The following KCP variants were observed in gnomAD, a reference collection of about 807,000 sequenced individuals.
KCP encodes the protein kielin cysteine rich BMP regulator.
In KCP, 194 loss-of-function variants were observed where a neutral mutation model predicts 212.7. The ratio of observed to expected loss-of-function variants is 0.91; its 90% CI spans 0.81 to 1.03. KCP has a LOEUF of 1.03. Ranked by LOEUF, KCP falls within the 50% of genes least tolerant of loss-of-function variation. The pLI, the probability that KCP is intolerant of heterozygous loss-of-function variation, is 0.00. For missense variants in KCP, 2,080 were observed against 2,162.5 expected (o/e 0.96, Z 0.76); for synonymous variants, 833 against 865.3 (o/e 0.96, Z 0.65).
At chr7:128,884,948 T>C in intron 27 of KCP, 85 bp from the exon 28 acceptor site, 2 of 1,473,472 alleles carry the variant, frequency 1.4e-6, no homozygotes, top group Non-Finnish European at 1.9e-6. Context: ...ATCTCCAGCC[T>C]CCCCCTGATC....
At chr7:128,908,200 A>G (rs1202058188) in intron 2 of KCP, among the ~76,000 whole-genome samples, 1 of 132,040 alleles carries the variant, frequency 7.6e-6, no homozygotes, top group Non-Finnish European at 1.6e-5. Context: ...AGGAAAAGAA[A>G]GAAAAAAAAA....
At chr7:128,880,974 C>A in intron 32 of KCP, 23 bp downstream of exon 32, 1 of 398,982 alleles carries the variant, frequency 2.5e-6, no homozygotes, top group Admixed American at 4.4e-5. Flanking sequence ...ATCCTCCACC[C>A]TCCCAGGCCC....
intron 34 of KCP, 23 bp downstream of exon 34, chr7:128,880,363 C>A: frequency 1.3e-6 from 2 of 1,500,162 alleles, no homozygotes; most frequent in Non-Finnish European, 1.8e-6. Flanking sequence ...ACCCTCCCCA[C>A]CATTTTAGAT....
intron 21 of KCP, 25 bp downstream of exon 21, chr7:128,890,318 C>G: frequency 6.4e-7 from 1 of 1,551,574 alleles, no homozygotes; most frequent in Non-Finnish European, 8.7e-7. Context: ...CCCACCCCGG[C>G]AGCTCCCTAT....
At chr7:128,885,947 G>A (rs1585205625) in intron 26 of KCP, among the ~76,000 whole-genome samples, 1 of 152,140 alleles carries the variant, frequency 6.6e-6, no homozygotes, top group African/African-American at 2.4e-5. Flanking sequence ...GATAATACAC[G>A]TAAAGTGCTC....
Position 128,894,066 on chromosome 7 carries a change from G to C in KCP, c.926-11C>G, listed in dbSNP as rs1563041889. On this transcript the variant is annotated splice_polypyrimidine_tract_variant and intron_variant, in intron 9 of 39. Coordinates refer to ENST00000610776, the MANE Select transcript of KCP (RefSeq NM_001366122.1). ...CGTTTAGGAAACAGCCTGTTGGGAA[G>C]GGGGGCCTTAGATGTTCCTCAGGGG... The C allele has an allele frequency of 1.9e-6, 3 of 1,548,022 alleles. No individual in the cohort carries two copies. The highest frequency in any genetic ancestry group is 2.6e-6 in the Non-Finnish European group (3 of 1,145,450).
At chr7:128,885,500 G>C (rs1262922347) in intron 26 of KCP, among the ~76,000 whole-genome samples, 1 of 152,180 alleles carries the variant, frequency 6.6e-6, no homozygotes, top group Non-Finnish European at 1.5e-5. Context: ...CTGCTCTCAA[G>C]ACCAAGCTCC....
intron 5 of KCP, among the ~76,000 whole-genome samples, chr7:128,905,091 C>T (rs940726212): frequency 2.0e-5 from 3 of 151,978 alleles, no homozygotes; most frequent in Admixed American, 2.0e-4. Context: ...CTCCAGCCAG[C>T]ACTCCAGGCT....
chr7:128,893,702 C>A (rs1312646618), intron 11 of KCP, 104 bp downstream of exon 11: 2 of 1,275,358 alleles, frequency 1.6e-6, no homozygotes, highest in Non-Finnish European at 2.2e-6. Flanking sequence ...ACTTTGGGAA[C>A]AGGGTAACAG....
chr7:128,879,097 C>G (rs980171169), intron 37 of KCP: 1 of 361,220 alleles, frequency 2.8e-6, no homozygotes, highest in Non-Finnish European at 5.1e-6. Context: ...GAAGTGTACA[C>G]CCTTATTCTA....
At chr7:128,902,929 G>T in intron 7 of KCP, 70 bp from the exon 8 acceptor site, 1 of 1,179,784 alleles carries the variant, frequency 8.5e-7, no homozygotes. Context: ...CAGCCTGCCC[G>T]CCTTCCTTGT....
chr7:128,894,958 G>C (rs901376841), intron 8 of KCP, among the ~76,000 whole-genome samples: 2 of 152,084 alleles, frequency 1.3e-5, no homozygotes, highest in Admixed American at 1.3e-4. Flanking sequence ...CAGGGAGAAT[G>C]GTATGGAAAA....
intron 8 of KCP, among the ~76,000 whole-genome samples, chr7:128,896,619 G>A (rs1273494684): frequency 3.3e-5 from 5 of 152,022 alleles, no homozygotes; most frequent in Admixed American, 6.5e-5. Context: ...GGCCGGTCGC[G>A]GTGGCTCACA....
chr7:128,881,559 A>T (rs73459300), intron 31 of KCP, 67 bp downstream of exon 31: 2 of 1,177,720 alleles, frequency 1.7e-6, no homozygotes, highest in Non-Finnish European at 2.3e-6. Context: ...TGGCCCATGA[A>T]TGCCTCCCCT....
Position 128,891,248 on chromosome 7 carries a change from AGC to A in KCP, c.1907_1908del (p.Arg636LeufsTer140). On this transcript the variant is annotated frameshift_variant, in exon 19 of 40. Coordinates refer to ENST00000610776, the MANE Select transcript of KCP (RefSeq NM_001366122.1). LOFTEE classifies it high-confidence loss of function. Reference protein sequence around the residue: ...LSGNVQCLARRCVPLPCPEPV... With the variant: ...LSGNVQCLARXCVPLPCPEPV... ...GGCTCTGGACAGGGCAGCGGCACGC[AGC>A]GGCGGGCCAGGCACTGCACGTTGCC... The A allele has an allele frequency of 1.3e-6, 2 of 1,547,058 alleles. No individual in the cohort carries two copies. Among genetic ancestry groups the A allele is most frequent in the Non-Finnish European group, 1.7e-6 (2 of 1,146,692 alleles).
Position 128,891,269 on chromosome 7 carries a change from C to T in KCP, c.1888G>A (p.Val630Met), listed in dbSNP as rs1221075545. Residue 630 changes from valine to methionine, a missense_variant, in exon 19 of 40, where the codon GTG becomes ATG. Transcript: ENST00000610776. The part of the protein sequence containing the change: ...CRLCRCLSGN[V>M]QCLARRCVPL... ...ACGCAGCGGCGGGCCAGGCACTGCA[C>T]GTTGCCGCTCTACGGACCGACAGAC... 4 of 1,547,130 alleles carry T rather than the reference C, an allele frequency of 2.6e-6. No individual in the cohort carries two copies. The African/African-American group carries it at 4.1e-5, about 16-fold the overall frequency.
chr7:128,895,462 T>A (rs1458409309), intron 8 of KCP, among the ~76,000 whole-genome samples: 1 of 152,176 alleles, frequency 6.6e-6, no homozygotes, highest in African/African-American at 2.4e-5. Flanking sequence ...TCCAGCCCCA[T>A]CAGGGTCTGA....
chr7:128,893,607 AGCCCCCT>A, intron 11 of KCP, 131 bp from the exon 12 acceptor site: 1 of 958,820 alleles, frequency 1.0e-6, no homozygotes, highest in Non-Finnish European at 1.6e-6. Flanking sequence ...CCCTGCCAGC[AGCCCCCT>A]GCCCCCCACA....
At chr7:128,904,486 GC>G in intron 5 of KCP, 1 of 866,988 alleles carries the variant, frequency 1.2e-6, no homozygotes. Flanking sequence ...CCTCTCCTTT[GC>G]CAGAGCTGGC....
Sources: gnomAD v4.1 joint callset for allele counts (sites outside exome capture counted in the v4.1 genomes callset) on GRCh38, gnomAD v4.1.1 for gene constraint, MANE v1.5 for transcripts, NCBI Gene and HGNC (gene_info 2026-07-23, HGNC 2026-07-21) for gene names.